BAIAP2: variants seen among roughly 807,000 people sequenced by gnomAD.
BAIAP2 encodes BAR/IMD domain-containing adapter protein 2.
Under a neutral mutation model 63.0 loss-of-function variants are expected in BAIAP2, and 18 were observed. That is an observed-to-expected ratio of 0.29 (90% CI 0.20 to 0.42). BAIAP2 has a LOEUF of 0.42. Among genes scored for constraint, BAIAP2 ranks in the 10% least tolerant of loss-of-function variants. The pLI, the probability that BAIAP2 is intolerant of heterozygous loss-of-function variation, is 1.00. For missense variants in BAIAP2, 610 were observed against 734.3 expected (o/e 0.83, Z 1.96); for synonymous variants, 386 against 307.6 (o/e 1.25, Z -2.67).
chr17:81,090,914 G>A (rs1251038490), intron 6 of BAIAP2, among the ~76,000 whole-genome samples: 4 of 152,186 alleles, frequency 2.6e-5, no homozygotes, highest in East Asian at 3.9e-4. Context: ...CTACTTTAGG[G>A]TGTGGCCGCT....
chr17:81,056,628 G>A (rs1188407511), intron 2 of BAIAP2, among the ~76,000 whole-genome samples: 3 of 152,204 alleles, frequency 2.0e-5, no homozygotes, highest in Admixed American at 6.5e-5. Flanking sequence ...GGTTCCGTTC[G>A]GGCCTTTCCG....
chr17:81,091,406 C>A (rs1357401756), intron 6 of BAIAP2, among the ~76,000 whole-genome samples: 1 of 152,114 alleles, frequency 6.6e-6, no homozygotes, highest in African/African-American at 2.4e-5. Context: ...TACAGACCAG[C>A]CCAGCAGCTG....
intron 1 of BAIAP2, among the ~76,000 whole-genome samples, chr17:81,041,762 G>A (rs2047110523): frequency 6.6e-6 from 1 of 151,866 alleles, no homozygotes; most frequent in Non-Finnish European, 1.5e-5. Context: ...AGTAGAGGTG[G>A]GATTTTTCCA....
rs2055300750 is a variant in BAIAP2 at position 81,084,904 on chromosome 17, C to A, written c.279+11C>A. 6.2e-7 allele frequency: 1 copy of A among 1,613,450 alleles called. No homozygotes were observed. The highest frequency in any genetic ancestry group is 1.3e-5 in the African/African-American group (1 of 75,042). ...CAGCTGGAAGAAATGGTGAGTCCAC[C>A]CCCAGCGTGGCCCTGCGAGGAGGGG... is the stretch of plus-strand genomic sequence containing the variant. On this transcript the variant is annotated intron_variant, in intron 4 of 13. Coordinates refer to ENST00000428708, the MANE Select transcript of BAIAP2 (RefSeq NM_001144888.2).
intron 3 of BAIAP2, among the ~76,000 whole-genome samples, chr17:81,066,642 C>G (rs1055754418): frequency 6.6e-6 from 1 of 152,226 alleles, no homozygotes; most frequent in Non-Finnish European, 1.5e-5. Flanking sequence ...AGGGAAGGTC[C>G]TTGGTCATGT....
rs189890121 is a variant in BAIAP2, at chr17:81,103,887, C to T, written c.865-20C>T. On this transcript the variant is annotated intron_variant, in intron 8 of 13. Transcript: ENST00000428708. ...CGGGGTGGGCTCCAGCAACAGCCTG[C>T]TCTGCCTGCTTCCCTGCAGCGGATG... 7.4e-6 allele frequency: 12 copies of T among 1,612,352 alleles called. No homozygotes were observed. The Admixed American group carries it at 8.3e-5, about 11-fold the overall frequency.
chr17:81,104,788 T>G, intron 10 of BAIAP2, 73 bp downstream of exon 10: 3 of 1,428,736 alleles, frequency 2.1e-6, no homozygotes, highest in Non-Finnish European at 2.9e-6. Context: ...GACACTCAAG[T>G]GCACTGAGAC....
chr17:81,107,617 G>A (rs1188762003), intron 12 of BAIAP2: 1 of 152,504 alleles, frequency 6.6e-6, no homozygotes. Context: ...CTCAGCCAGA[G>A]GTCCAGTTTG....
At position 81,116,046 on chromosome 17, in the gene BAIAP2, C is replaced by T; in HGVS notation, c.*207C>T. The T allele has an allele frequency of 1.4e-6, 2 of 1,460,576 alleles. No homozygotes were observed. The highest frequency in any genetic ancestry group is 1.8e-6 in the Non-Finnish European group (2 of 1,109,862). The allele number at this position is 1,460,576 out of a possible 1,614,324, so 90.5% of individuals were successfully genotyped here. ...GGCGCAGGCCCCTGAAGGGCGAGAC[C>T]CAGTGGCTGGGCTGCCCAGGGCTGA... On this transcript the variant is annotated 3_prime_UTR_variant, in exon 14 of 14. Coordinates refer to ENST00000428708, the MANE Select transcript of BAIAP2 (RefSeq NM_001144888.2).
intron 6 of BAIAP2, among the ~76,000 whole-genome samples, chr17:81,098,519 G>A (rs1183263029): frequency 6.6e-6 from 1 of 152,082 alleles, no homozygotes; most frequent in Non-Finnish European, 1.5e-5. Context: ...GCGCATTCAT[G>A]GGGTTGTGCG....
chr17:81,110,248 G>A (rs1038740788), intron 13 of BAIAP2: 49 of 881,416 alleles, frequency 5.6e-5, no homozygotes, highest in African/African-American at 2.0e-4. Context: ...CTCAAGACGC[G>A]GACCGCGTGA....
intron 4 of BAIAP2, 69 bp downstream of exon 4, chr17:81,084,962 G>C: frequency 4.6e-6 from 7 of 1,508,648 alleles, no homozygotes; most frequent in Non-Finnish European, 6.4e-6. Context: ...GCCACACCTT[G>C]GCCGTGTGTC....
At position 81,046,413 on chromosome 17, in the gene BAIAP2, A is replaced by G. The variant is rs538357000; in HGVS notation, c.55-7255A>G. 7.2e-5 allele frequency among the ~76,000 whole-genome samples: 11 copies of G among 152,222 alleles called. No individual in the cohort carries two copies. Among genetic ancestry groups the G allele is most frequent in the African/African-American group, 2.6e-4 (11 of 41,528 alleles). On this transcript the variant is annotated intron_variant, in intron 1 of 13. Coordinates refer to ENST00000428708, the MANE Select transcript of BAIAP2 (RefSeq NM_001144888.2). This position sits in a 1 kb window ranked among gnomAD's most constrained non-coding sequence, Gnocchi z 4.5. ...TCCTTCAGGAAGGATCCTCCAGGACAGATGTCCAAGTGTTTAGAGGGGACA... is the reference window on the plus strand; with the variant it reads ...TCCTTCAGGAAGGATCCTCCAGGACGGATGTCCAAGTGTTTAGAGGGGACA...
At chr17:81,108,303 G>A (rs1402130290) in intron 12 of BAIAP2, 172 bp from the exon 13 acceptor site, 1 of 661,764 alleles carries the variant, frequency 1.5e-6, no homozygotes, top group African/African-American at 1.8e-5. Flanking sequence ...CTGGGACCAG[G>A]GCTCCAGGCA....
intron 1 of BAIAP2, among the ~76,000 whole-genome samples, chr17:81,041,033 A>G (rs2047005928): frequency 6.6e-6 from 1 of 152,230 alleles, no homozygotes; most frequent in Non-Finnish European, 1.5e-5. Flanking sequence ...TCTGCCTGTC[A>G]GGCACAGTGG....
At chr17:81,086,049 C>T (rs1043934144) in intron 5 of BAIAP2, among the ~76,000 whole-genome samples, 2 of 152,070 alleles carry the variant, frequency 1.3e-5, no homozygotes, top group African/African-American at 4.8e-5. Flanking sequence ...GTTCCCTGGG[C>T]TCTCGGCCCG....
Position 81,103,496 on chromosome 17 carries a change from C to T in BAIAP2, c.643-6C>T, listed in dbSNP as rs2058760311. 1.3e-6 allele frequency: 2 copies of T among 1,559,784 alleles called. No individual in the cohort carries two copies. The highest frequency in any genetic ancestry group is 1.4e-5 in the African/African-American group (1 of 73,782). ...GACCCCTCCCTTCCTGCTGCTTCCACTTCAGGGCAAGGAGCTGCTGGCGCA... is the reference window on the plus strand; with the variant it reads ...GACCCCTCCCTTCCTGCTGCTTCCATTTCAGGGCAAGGAGCTGCTGGCGCA... On this transcript the variant is annotated splice_region_variant and splice_polypyrimidine_tract_variant and intron_variant, in intron 7 of 13. Coordinates refer to ENST00000428708, the MANE Select transcript of BAIAP2 (RefSeq NM_001144888.2).
rs907661210 is a variant in BAIAP2, at chr17:81,108,667, CCTG to C, written c.1535+161_1535+163del. 3.0e-6 allele frequency: 3 copies of C among 983,822 alleles called. No individual in the cohort carries two copies. In the African/African-American group the frequency reaches 4.9e-5, roughly 16 times the overall value. 60.9% of individuals were successfully genotyped at this position (983,822 alleles called of 1,614,324 possible). A position where few individuals can be genotyped will look rare whatever the true frequency, so the allele number is the denominator to read the frequency against. ...GAGCCGGGGATGTCCCTTAGGGCGT[CCTG>C]CTTTCTCCGAGTGACACGGGAACCC... On this transcript the variant is annotated intron_variant, in intron 13 of 13. Coordinates refer to ENST00000428708, the MANE Select transcript of BAIAP2 (RefSeq NM_001144888.2).
At position 81,105,992 on chromosome 17, in the gene BAIAP2, A is replaced by G. The variant is rs1053627208; in HGVS notation, c.1269-86A>G. On this transcript the variant is annotated intron_variant, in intron 10 of 13. Transcript: ENST00000428708. ...AGCCGCGCAGCCATGCTGGGGAGCT[A>G]GAGGGACTTGTGCATGGATGGTGGT... 3 of 1,194,622 alleles carry G rather than the reference A, an allele frequency of 2.5e-6. No homozygotes were observed. In the African/African-American group the frequency reaches 4.6e-5, roughly 18 times the overall value. 74.0% of individuals were successfully genotyped at this position (1,194,622 alleles called of 1,614,324 possible).
Sources: allele counts gnomAD v4.1 joint callset (sites outside exome capture counted in the v4.1 genomes callset), GRCh38; gene constraint gnomAD v4.1.1; non-coding constraint Gnocchi (gnomAD v3.1); transcripts MANE v1.5; gene names NCBI Gene and HGNC (gene_info 2026-07-23, HGNC 2026-07-21).